The following PHB1 variants were observed in gnomAD, a reference collection of about 807,000 sequenced individuals.
PHB1 encodes the protein prohibitin 1.
the PHB1 span, chr17:49,409,513 C>A: frequency 3.9e-6 from 6 of 1,544,098 alleles, no homozygotes; most frequent in Non-Finnish European, 5.3e-6. Flanking sequence ...AAAATAAAAA[C>A]CACTGTAGGA....
chr17:49,404,095 C>A, the PHB1 span: 1 of 152,606 alleles, frequency 6.6e-6, no homozygotes, highest in Admixed American at 6.5e-5. Flanking sequence ...GCAGTTTATA[C>A]ACATTTGTTT....
At chr17:49,404,812 AAG>A in the PHB1 span, 1 of 603,906 alleles carries the variant, frequency 1.7e-6, no homozygotes, top group Non-Finnish European at 2.9e-6. Flanking sequence ...AGAAGAATGA[AAG>A]AGTTTCATTT....
the PHB1 span, chr17:49,405,299 G>T: frequency 9.7e-7 from 1 of 1,033,250 alleles, no homozygotes; most frequent in Non-Finnish European, 1.4e-6. Context: ...ACCTTCCCAG[G>T]CTCCTGAAGG....
chr17:49,409,224 A>T, the PHB1 span: 3 of 1,573,100 alleles, frequency 1.9e-6, no homozygotes, highest in Non-Finnish European at 2.6e-6. Context: ...GGAACCAGGA[A>T]ACTAGCAGCC....
the PHB1 span, chr17:49,411,916 C>G: frequency 7.3e-7 from 1 of 1,367,544 alleles, no homozygotes; most frequent in Non-Finnish European, 1.0e-6. Flanking sequence ...TTGAAAGAGC[C>G]CTGGTGCTTT....
chr17:49,409,099 G>A, the PHB1 span: 88 of 1,613,594 alleles, frequency 5.5e-5, no homozygotes, highest in Admixed American at 2.0e-4. Flanking sequence ...TAAGGTCGTC[G>A]CTCACCTGCC....
the PHB1 span, chr17:49,406,911 TG>T: frequency 7.8e-7 from 1 of 1,274,284 alleles, no homozygotes; most frequent in Non-Finnish European, 1.1e-6. Context: ...ACAGCACTGC[TG>T]GGAGGGCTCC....
chr17:49,413,008 G>A, the PHB1 span: 1 of 581,634 alleles, frequency 1.7e-6, no homozygotes, highest in Non-Finnish European at 3.1e-6. Flanking sequence ...AAAGGTCAGG[G>A]GCTCTGATAA....
At chr17:49,406,651 G>A in the PHB1 span, 401 of 805,764 alleles carry the variant, frequency 5.0e-4, 1 homozygote, top group South Asian at 4.3e-3. Flanking sequence ...TGATTATCCC[G>A]GAAGAAGGGA....
chr17:49,413,717 C>A, the PHB1 span, among the ~76,000 whole-genome samples: 1 of 151,992 alleles, frequency 6.6e-6, no homozygotes, highest in South Asian at 2.1e-4. Flanking sequence ...GCTACGTTGC[C>A]CCAGGTGGTC....
chr17:49,405,518 G>A, the PHB1 span, among the ~76,000 whole-genome samples: 1 of 152,142 alleles, frequency 6.6e-6, no homozygotes, highest in Non-Finnish European at 1.5e-5. Flanking sequence ...TCTGAGCCAG[G>A]AGAAGCCAAG....
chr17:49,406,462 A>G, the PHB1 span, among the ~76,000 whole-genome samples: 1 of 152,246 alleles, frequency 6.6e-6, no homozygotes, highest in East Asian at 1.9e-4. Context: ...ATGACTTCTC[A>G]GTGAAGCTGA....
the PHB1 span, chr17:49,405,291 C>G: frequency 8.8e-7 from 1 of 1,130,654 alleles, no homozygotes. Context: ...AGAAAGCCAC[C>G]TTCCCAGGCT....
At chr17:49,406,819 C>T in the PHB1 span, 251 of 1,613,804 alleles carry the variant, frequency 1.6e-4, 1 homozygote, top group Non-Finnish European at 1.9e-4. Context: ...TGGCTTCCAC[C>T]GCTTCTGTGA....
the PHB1 span, among the ~76,000 whole-genome samples, chr17:49,408,268 A>G: frequency 6.6e-6 from 1 of 152,242 alleles, no homozygotes; most frequent in African/African-American, 2.4e-5. Flanking sequence ...CTGTTTAAAC[A>G]GCTGCACAGA....
the PHB1 span, chr17:49,411,739 T>C: frequency 6.2e-7 from 1 of 1,614,008 alleles, no homozygotes; most frequent in Non-Finnish European, 8.5e-7. Flanking sequence ...AGATAATTGG[T>C]TTCTGTACCC....
At chr17:49,413,037 T>C in the PHB1 span, 2 of 643,478 alleles carry the variant, frequency 3.1e-6, no homozygotes, top group Non-Finnish European at 5.6e-6. Context: ...TCCTGTGGTA[T>C]GAAATGGCAG....
chr17:49,406,467 A>C, the PHB1 span, among the ~76,000 whole-genome samples: 425 of 152,356 alleles, frequency 2.8e-3, no homozygotes, highest in African/African-American at 9.5e-3. Flanking sequence ...TTCTCAGTGA[A>C]GCTGAAAATA....
the PHB1 span, chr17:49,409,291 G>A: frequency 6.2e-7 from 1 of 1,612,596 alleles, no homozygotes; most frequent in Non-Finnish European, 8.5e-7. Context: ...CTCCCAGGGT[G>A]GTGCTCTGGG....
Sources: allele counts gnomAD v4.1 joint callset (sites outside exome capture counted in the v4.1 genomes callset), GRCh38; gene constraint gnomAD v4.1.1; transcripts MANE v1.5; gene names NCBI Gene and HGNC (gene_info 2026-07-23, HGNC 2026-07-21).